The following C1orf94 variants were observed in gnomAD, a reference collection of about 807,000 sequenced individuals.
C1orf94 encodes the protein chromosome 1 open reading frame 94, also known as uncharacterized protein C1orf94.
In C1orf94, 45 loss-of-function variants were observed where a neutral mutation model predicts 53.6. That is an observed-to-expected ratio of 0.84 (90% CI 0.66 to 1.08). The LOEUF is 1.08. C1orf94 is among the 50% of genes least tolerant of loss of function. The pLI is 0.00. For missense variants in C1orf94, 762 were observed against 738.9 expected, an observed-to-expected ratio of 1.03 and a Z score of -0.36; for synonymous variants, 304 against 296.1, an observed-to-expected ratio of 1.03 and a Z score of -0.27.
intron 6 of C1orf94, 112 bp from the exon 7 acceptor site, chr1:34,218,574 T>G (rs1571354411): frequency 1.3e-6 from 1 of 766,628 alleles, no homozygotes; most frequent in African/African-American, 1.8e-5. Context: ...CCTCCAAGCC[T>G]GTCATGGTCT....
intron 6 of C1orf94, among the ~76,000 whole-genome samples, chr1:34,217,480 C>CT (rs869260264): frequency 1.1e-4 from 15 of 139,750 alleles, no homozygotes; most frequent in African/African-American, 4.0e-4. Context: ...TGAATGATCC[C>CT]AATATGATTT....
At chr1:34,185,402 A>T (rs1207764468) in intron 1 of C1orf94, among the ~76,000 whole-genome samples, 1 of 151,692 alleles carries the variant, frequency 6.6e-6, no homozygotes, top group Non-Finnish European at 1.5e-5. Context: ...CTGGTCTCGG[A>T]CTCCTGATCT....
intron 1 of C1orf94, among the ~76,000 whole-genome samples, chr1:34,183,634 C>A (rs895789857): frequency 6.6e-6 from 1 of 152,086 alleles, no homozygotes; most frequent in Non-Finnish European, 1.5e-5. Context: ...GTGGGTGGAT[C>A]ACTTGAGGTC....
intron 1 of C1orf94, among the ~76,000 whole-genome samples, chr1:34,189,816 C>T (rs549557638): frequency 2.0e-5 from 3 of 152,354 alleles, no homozygotes; most frequent in Admixed American, 2.0e-4. Context: ...TGGCTCTTGG[C>T]TGGCTCCTGG....
intron 6 of C1orf94, among the ~76,000 whole-genome samples, chr1:34,214,104 T>C (rs922838318): frequency 2.0e-5 from 3 of 152,200 alleles, no homozygotes; most frequent in African/African-American, 4.8e-5. Context: ...ACAACAATGT[T>C]AGTGCCCTGG....
At chr1:34,190,621 C>T (rs999436420) in intron 1 of C1orf94, among the ~76,000 whole-genome samples, 3 of 152,200 alleles carry the variant, frequency 2.0e-5, no homozygotes, top group South Asian at 2.1e-4. Context: ...AGGTATCCAT[C>T]ACTAGTATTC....
chr1:34,210,657 A>T (rs551082303), intron 5 of C1orf94, among the ~76,000 whole-genome samples: 116 of 150,216 alleles, frequency 7.7e-4, no homozygotes, highest in African/African-American at 2.8e-3. Flanking sequence ...GCCTTTGTGG[A>T]TTGTTTTTTT....
chr1:34,210,954 C>T (rs1299267966), intron 5 of C1orf94, among the ~76,000 whole-genome samples: 7 of 151,928 alleles, frequency 4.6e-5, no homozygotes, highest in Admixed American at 4.6e-4. Flanking sequence ...ACCCAGCCCC[C>T]TTTGTGGATT....
In C1orf94 at chr1:34,202,123, A is replaced by G. The variant is rs150896772; in HGVS notation, c.1310A>G (p.Lys437Arg). The G allele has an allele frequency of 1.1e-4, 171 of 1,614,148 alleles. No homozygotes were observed. The African/African-American group carries it at 2.2e-3, about 21-fold the overall frequency. The part of the protein sequence containing the change: ...PVTVADKNNP[K>R]YTGNVFTPHF... ...ACGGTTGCTGACAAGAACAACCCGA[A>G]GTACACAGGGAATGTTTTCACTCCA... Residue 437 changes from lysine to arginine, a missense_variant, in exon 4 of 7, where the codon AAG becomes AGG. Physicochemically the swap from Lys to Arg is conservative, Grantham distance 26. Transcript: ENST00000488417.
intron 1 of C1orf94, among the ~76,000 whole-genome samples, chr1:34,181,755 T>C (rs1054150164): frequency 6.6e-6 from 1 of 152,168 alleles, no homozygotes; most frequent in Non-Finnish European, 1.5e-5. Flanking sequence ...ATAATGGAAA[T>C]AGAGCAGAGG....
intron 3 of C1orf94, among the ~76,000 whole-genome samples, chr1:34,201,271 C>A (rs1397614147): frequency 6.6e-6 from 1 of 152,190 alleles, no homozygotes; most frequent in African/African-American, 2.4e-5. Context: ...ATGGTCACTT[C>A]TGAATATAGC....
rs968734227 is a variant in C1orf94 at position 34,197,175 on chromosome 1, G to A, written c.321-50G>A. 29 of 1,449,040 alleles carry A rather than the reference G, an allele frequency of 2.0e-5. 1 individual carries two copies. Among genetic ancestry groups the A allele is most frequent in the Middle Eastern group, 1.8e-4 (1 of 5,538 alleles). 89.8% of individuals were successfully genotyped at this position (1,449,040 alleles called of 1,614,324 possible). On this transcript the variant is annotated intron_variant, in intron 1 of 6. Coordinates refer to ENST00000488417, the MANE Select transcript of C1orf94 (RefSeq NM_001134734.2). This position sits in a 1 kb window ranked among gnomAD's most constrained non-coding sequence, Gnocchi z 4.1. ...GGCCTATGTCCTTCTGCAAAGCCAC[G>A]CCTTGGTGAGCTGGCACTAACACCG...
chr1:34,183,439 C>T (rs1036975773), intron 1 of C1orf94, among the ~76,000 whole-genome samples: 23 of 152,322 alleles, frequency 1.5e-4, no homozygotes, highest in African/African-American at 4.6e-4. Context: ...CAATTGCCTT[C>T]GCAGTACCAG....
At chr1:34,190,903 A>C (rs1354447197) in intron 1 of C1orf94, among the ~76,000 whole-genome samples, 1 of 152,178 alleles carries the variant, frequency 6.6e-6, no homozygotes, top group Non-Finnish European at 1.5e-5. Context: ...TCATTTCTAC[A>C]GTTTGGCAAT....
chr1:34,177,762 G>A lies in C1orf94; in HGVS notation c.-28G>A. The A allele has an allele frequency of 6.6e-7, 1 of 1,507,196 alleles. No individual in the cohort carries two copies. 93.4% of individuals were successfully genotyped at this position (1,507,196 alleles called of 1,614,324 possible). The stretch of plus-strand genomic sequence containing the variant: ...GACAGAACTGACCCACTTCTGCCAA[G>A]CCCCATCCTCATCTCCCTTTCTGGT... On this transcript the variant is annotated 5_prime_UTR_variant, in exon 1 of 7. Transcript: ENST00000488417.
intron 1 of C1orf94, among the ~76,000 whole-genome samples, chr1:34,170,206 G>A (rs1217211417): frequency 6.6e-6 from 1 of 152,166 alleles, no homozygotes; most frequent in Non-Finnish European, 1.5e-5. Context: ...ATTTGTTCAT[G>A]CCACACTGAG....
At chr1:34,194,683 T>C (rs1642551861) in intron 1 of C1orf94, among the ~76,000 whole-genome samples, 1 of 152,222 alleles carries the variant, frequency 6.6e-6, no homozygotes, top group Non-Finnish European at 1.5e-5. Context: ...GGATTAATTT[T>C]AAAGGCATTC....
At chr1:34,168,241 G>A (rs1170821268) in intron 1 of C1orf94, among the ~76,000 whole-genome samples, 2 of 152,216 alleles carry the variant, frequency 1.3e-5, no homozygotes, top group African/African-American at 4.8e-5. Context: ...TCACACCACT[G>A]CACTCCAGCC....
rs1211973332 is a variant in C1orf94 at position 34,212,341 on chromosome 1, C to T, written c.1656C>T (p.Ala552=). 1.9e-6 allele frequency: 3 copies of T among 1,614,016 alleles called. No homozygotes were observed. The highest frequency in any genetic ancestry group is 3.3e-5 in the Admixed American group (2 of 60,008). ...YPQRTPPKMS[A]NPRDPPLMAG... Reference sequence around the variant, plus strand: ...AGAGGACACCTCCAAAGATGTCTGCCAACCCCCGAGACCCTCCCCTAATGG... The same window carrying T: ...AGAGGACACCTCCAAAGATGTCTGCTAACCCCCGAGACCCTCCCCTAATGG... Residue 552 remains alanine, a synonymous_variant, in exon 6 of 7, where the codon GCC becomes GCT. Transcript: ENST00000488417.
Sources: allele counts gnomAD v4.1 joint callset (sites outside exome capture counted in the v4.1 genomes callset), GRCh38; gene constraint gnomAD v4.1.1; non-coding constraint Gnocchi (gnomAD v3.1); transcripts MANE v1.5; gene names NCBI Gene and HGNC (gene_info 2026-07-23, HGNC 2026-07-21).